The following MCC variants were observed in gnomAD, a reference collection of about 807,000 sequenced individuals.
MCC encodes colorectal mutant cancer protein.
A neutral mutation model predicts 116.2 loss-of-function variants in MCC; 90 were observed. That is an observed-to-expected ratio of 0.77 (90% confidence interval 0.65 to 0.92). The LOEUF (loss-of-function observed/expected upper bound fraction) is 0.92. Ranked by LOEUF, MCC falls within the 40% of genes least tolerant of loss-of-function variation. The pLI, the probability that MCC is intolerant of heterozygous loss-of-function variation, is 0.00. For missense variants in MCC, 1,516 were observed against 1,312.2 expected (o/e 1.16, Z -2.40); for synonymous variants, 578 against 510.5 (o/e 1.13, Z -1.78).
intron 8 of MCC, among the ~76,000 whole-genome samples, chr5:113,091,610 C>A (rs552362541): frequency 6.6e-6 from 1 of 152,110 alleles, no homozygotes; most frequent in Non-Finnish European, 1.5e-5. Flanking sequence ...GGGCTAGGCA[C>A]GGTGGCTTTG....
At chr5:113,132,351 A>T (rs1024113749) in intron 5 of MCC, among the ~76,000 whole-genome samples, 10 of 148,220 alleles carry the variant, frequency 6.7e-5, no homozygotes, top group African/African-American at 2.5e-4. Flanking sequence ...GAAAAAGAAA[A>T]GTGCATATGT....
intron 2 of MCC, among the ~76,000 whole-genome samples, chr5:113,359,433 G>A (rs1435480337): frequency 6.6e-6 from 1 of 152,178 alleles, no homozygotes; most frequent in Non-Finnish European, 1.5e-5. Flanking sequence ...AACACTTAAT[G>A]GGAGATATTT....
chr5:113,053,655 C>A (rs755717906), intron 15 of MCC, 70 bp downstream of exon 15: 8 of 1,121,400 alleles, frequency 7.1e-6, no homozygotes, highest in African/African-American at 1.5e-5. Context: ...ATCTGCTGGA[C>A]CTGCTTTCAG....
chr5:113,028,474 G>C (rs1444007577), intron 18 of MCC, among the ~76,000 whole-genome samples: 1 of 151,982 alleles, frequency 6.6e-6, no homozygotes, highest in Non-Finnish European at 1.5e-5. Context: ...CAACTTACAG[G>C]AACAAAAGCT....
At chr5:113,079,639 C>T (rs933452863) in intron 11 of MCC, among the ~76,000 whole-genome samples, 2 of 152,176 alleles carry the variant, frequency 1.3e-5, no homozygotes, top group Non-Finnish European at 2.9e-5. Flanking sequence ...CTTCCTTACA[C>T]CTTAAACAAA....
rs1342780578 is a variant in MCC at position 113,022,508 on chromosome 5, T to G, written c.*4794A>C. On this transcript the variant is annotated 3_prime_UTR_variant, in exon 19 of 19. Coordinates refer to ENST00000408903, the MANE Select transcript of MCC (RefSeq NM_001085377.2). ...TAAATCTTGATGTCTAAAAACTGAT[T>G]AGAACTAGAAAAGAAGTGGACATGT... The G allele has an allele frequency of 6.6e-6, 1 of 152,572 alleles. No individual in the cohort carries two copies. The highest frequency in any genetic ancestry group is 1.5e-5 in the Non-Finnish European group (1 of 68,036). The allele number at this position is 152,572 out of a possible 1,614,324, so 9.5% of individuals were successfully genotyped here. A position where few individuals can be genotyped will look rare whatever the true frequency, so the allele number is the denominator to read the frequency against.
At chr5:113,483,389 G>A (rs348962) in intron 1 of MCC, among the ~76,000 whole-genome samples, 47,182 of 152,008 alleles carry the variant, frequency 0.31, 7,743 homozygotes, top group African/African-American at 0.36. Context: ...AAGTTTTCCT[G>A]TCCATGTACA....
At chr5:113,111,024 C>T (rs1307937550) in intron 6 of MCC, among the ~76,000 whole-genome samples, 1 of 152,098 alleles carries the variant, frequency 6.6e-6, no homozygotes, top group East Asian at 1.9e-4. Context: ...GCTCCTCCTG[C>T]CCTTTTCCTC....
chr5:113,432,866 G>C (rs1770704368), intron 1 of MCC: 1 of 152,174 alleles, frequency 6.6e-6, no homozygotes, highest in Non-Finnish European at 1.5e-5. Flanking sequence ...AATATAAAGA[G>C]TTAAAAACAG....
intron 1 of MCC, among the ~76,000 whole-genome samples, chr5:113,429,974 A>G (rs895273394): frequency 1.1e-4 from 17 of 152,200 alleles, no homozygotes; most frequent in African/African-American, 2.9e-4. Context: ...TGCAATCACA[A>G]CAGTCACTGT....
At chr5:113,433,470 G>A (rs546211185) in intron 1 of MCC, 2 of 613,308 alleles carry the variant, frequency 3.3e-6, no homozygotes, top group East Asian at 2.9e-5. Flanking sequence ...GCTGAGACAG[G>A]CTCTGTGTCC....
chr5:113,072,326 C>G (rs1754096956), intron 11 of MCC, among the ~76,000 whole-genome samples: 1 of 152,254 alleles, frequency 6.6e-6, no homozygotes, highest in African/African-American at 2.4e-5. Flanking sequence ...CTGCCAGGCT[C>G]TGGCCATTCC....
intron 1 of MCC, among the ~76,000 whole-genome samples, chr5:113,396,299 A>G (rs1234323440): frequency 6.6e-6 from 1 of 151,998 alleles, no homozygotes; most frequent in Non-Finnish European, 1.5e-5. Context: ...TTGCACTCCA[A>G]CCTGGGCGAA....
In MCC at chr5:113,028,930, T is replaced by C; in HGVS notation, c.2879+4A>G. ...GTGGGGGCTGGGTATAGGGAGATTT[T>C]TACCTGTTGGCCCGCTTTAGATCAT... is the stretch of plus-strand genomic sequence containing the variant. On this transcript the variant is annotated splice_donor_region_variant and intron_variant, in intron 18 of 18. Transcript: ENST00000408903. 2 of 1,613,042 alleles carry C rather than the reference T, an allele frequency of 1.2e-6. No individual in the cohort carries two copies. Among genetic ancestry groups the C allele is most frequent in the Non-Finnish European group, 1.7e-6 (2 of 1,179,418 alleles).
intron 1 of MCC, among the ~76,000 whole-genome samples, chr5:113,403,555 G>A (rs1361915756): frequency 6.6e-6 from 1 of 152,190 alleles, no homozygotes; most frequent in African/African-American, 2.4e-5. Flanking sequence ...TTCATCACAA[G>A]GAAGGAGCTT....
At chr5:113,168,762 G>A (rs565352924) in intron 3 of MCC, among the ~76,000 whole-genome samples, 13 of 152,010 alleles carry the variant, frequency 8.6e-5, no homozygotes, top group African/African-American at 2.9e-4. Context: ...GGAAAACAGG[G>A]GCAACAGATC....
At chr5:113,198,179 T>C (rs753392069) in intron 3 of MCC, among the ~76,000 whole-genome samples, 4 of 152,202 alleles carry the variant, frequency 2.6e-5, no homozygotes, top group Non-Finnish European at 5.9e-5. Flanking sequence ...GTTCAGCTTG[T>C]TCATGTCTTT....
Position 113,027,231 on chromosome 5 carries a change from G to T in MCC, c.*71C>A. On this transcript the variant is annotated 3_prime_UTR_variant, in exon 19 of 19. Coordinates refer to ENST00000408903, the MANE Select transcript of MCC (RefSeq NM_001085377.2). ...TTCCTCCTCCTCCCAACAAGTACAT[G>T]GGCCCTTCTGTCCCCAGTGGCCTGC... 6.6e-7 allele frequency: 1 copy of T among 1,509,450 alleles called. No individual in the cohort carries two copies. Among genetic ancestry groups the T allele is most frequent in the South Asian group, 1.2e-5 (1 of 81,302 alleles). 93.5% of individuals were successfully genotyped at this position (1,509,450 alleles called of 1,614,324 possible). A position where few individuals can be genotyped will look rare whatever the true frequency, so the allele number is the denominator to read the frequency against.
At chr5:113,126,734 T>C (rs556874920) in intron 5 of MCC, among the ~76,000 whole-genome samples, 3 of 152,236 alleles carry the variant, frequency 2.0e-5, no homozygotes, top group Admixed American at 1.3e-4. Context: ...TATGTGTTAA[T>C]TGACTGCTTA....
Sources: gnomAD v4.1 joint callset for allele counts (sites outside exome capture counted in the v4.1 genomes callset) on GRCh38, gnomAD v4.1.1 for gene constraint, MANE v1.5 for transcripts, NCBI Gene and HGNC (gene_info 2026-07-23, HGNC 2026-07-21) for gene names.